Variants in CEP83 observed in about 807,000 individuals in gnomAD.
The protein encoded by CEP83 is centrosomal protein of 83 kDa.
A neutral mutation model predicts 101.9 loss-of-function variants in CEP83; 70 were observed. The observed-to-expected ratio is 0.69, with a 90% CI of 0.57 to 0.84. CEP83 has a LOEUF of 0.84. CEP83 is among the 40% of genes least tolerant of loss of function. The pLI is 0.00. For missense variants in CEP83, 715 were observed against 787.2 expected (o/e 0.91, Z 1.10); for synonymous variants, 264 against 267.9 (o/e 0.99, Z 0.14).
At chr12:94,387,946 G>A (rs1224861188) in intron 6 of CEP83, among the ~76,000 whole-genome samples, 2 of 152,094 alleles carry the variant, frequency 1.3e-5, no homozygotes, top group Non-Finnish European at 2.9e-5. Context: ...ATGCTAGCAA[G>A]GCTGCAGAAA....
chr12:94,451,682 T>A (rs2067264562), intron 1 of CEP83, among the ~76,000 whole-genome samples: 1 of 152,140 alleles, frequency 6.6e-6, no homozygotes, highest in Non-Finnish European at 1.5e-5. Flanking sequence ...GAAACTGGAA[T>A]CATCATACAT....
chr12:94,416,573 C>A (rs540577033), intron 2 of CEP83, among the ~76,000 whole-genome samples: 27 of 148,058 alleles, frequency 1.8e-4, no homozygotes, highest in Admixed American at 3.3e-4. Flanking sequence ...CACACACACA[C>A]AAAAAAAAAA....
At chr12:94,429,695 C>T (rs2065474008) in intron 2 of CEP83, among the ~76,000 whole-genome samples, 1 of 152,066 alleles carries the variant, frequency 6.6e-6, no homozygotes, top group Admixed American at 6.5e-5. Context: ...CCACAGCTGC[C>T]ATCACTGTGC....
At chr12:94,441,998 A>G (rs751578907) in intron 1 of CEP83, among the ~76,000 whole-genome samples, 21 of 152,202 alleles carry the variant, frequency 1.4e-4, no homozygotes, top group Non-Finnish European at 7.3e-5. Flanking sequence ...CCCAGAGGAA[A>G]AGAAGTCATT....
intron 6 of CEP83, among the ~76,000 whole-genome samples, chr12:94,383,453 A>C (rs574981850): frequency 1.3e-5 from 2 of 152,206 alleles, no homozygotes; most frequent in South Asian, 4.1e-4. Flanking sequence ...TTCAGTAGAA[A>C]CCATATGTCA....
the CEP83 span, among the ~76,000 whole-genome samples, chr12:94,295,732 T>A: frequency 1.3e-5 from 2 of 151,762 alleles, no homozygotes; most frequent in Non-Finnish European, 2.9e-5. Context: ...TGGCACACAG[T>A]GGGTCACTAT....
the CEP83 span, among the ~76,000 whole-genome samples, chr12:94,291,181 G>A: frequency 6.6e-6 from 1 of 152,200 alleles, no homozygotes; most frequent in Non-Finnish European, 1.5e-5. Context: ...TATATACAGA[G>A]GCCTGCCTTT....
intron 2 of CEP83, among the ~76,000 whole-genome samples, chr12:94,423,581 T>C (rs1403131620): frequency 1.3e-5 from 2 of 152,028 alleles, no homozygotes; most frequent in Non-Finnish European, 2.9e-5. Context: ...CATAGAGATT[T>C]CTTTTTCCAG....
intron 11 of CEP83, among the ~76,000 whole-genome samples, chr12:94,339,809 A>G (rs2059603703): frequency 6.6e-6 from 1 of 152,254 alleles, no homozygotes; most frequent in African/African-American, 2.4e-5. Context: ...TCCTGAAAGA[A>G]TATAAGAACC....
rs186859895 is a variant in CEP83, at chr12:94,394,444, C to T, written c.549+6406G>A. Among the ~76,000 whole-genome samples the T allele has an allele frequency of 2.0e-3, 302 of 152,258 alleles. 2 individuals are homozygous for T. Among genetic ancestry groups the T allele is most frequent in the Non-Finnish European group, 1.8e-3 (121 of 68,006 alleles). ...CATATGTAGAAAGCTGAAACTGGAT[C>T]CCTTCCTTACACCTTGTAAAAAAAT... On this transcript the variant is annotated intron_variant, in intron 6 of 16. Coordinates refer to ENST00000397809, the MANE Select transcript of CEP83 (RefSeq NM_016122.3).
chr12:94,277,172 A>G, the CEP83 span: 1 of 152,252 alleles, frequency 6.6e-6, no homozygotes, highest in Admixed American at 6.5e-5. Flanking sequence ...CCCCTTTCTC[A>G]TGATGGCGCC....
At chr12:94,297,558 G>A in the CEP83 span, 2 of 641,566 alleles carry the variant, frequency 3.1e-6, no homozygotes, top group East Asian at 2.7e-5. Context: ...AGTTTAAATT[G>A]TAAACACTTC....
chr12:94,359,942 T>C (rs1427519899), intron 11 of CEP83, among the ~76,000 whole-genome samples: 3 of 152,102 alleles, frequency 2.0e-5, no homozygotes, highest in Non-Finnish European at 4.4e-5. Context: ...ATGATCAAGT[T>C]AGATTTATCA....
intron 14 of CEP83, among the ~76,000 whole-genome samples, chr12:94,330,109 AAC>A (rs1243508927): frequency 6.6e-6 from 1 of 152,190 alleles, no homozygotes; most frequent in African/African-American, 2.4e-5. Flanking sequence ...TCCAAATATA[AAC>A]AGTTAACCTT....
intron 7 of CEP83, 27 bp downstream of exon 7, chr12:94,378,764 T>G (rs1024491851): frequency 6.2e-7 from 1 of 1,609,404 alleles, no homozygotes; most frequent in East Asian, 2.2e-5. Flanking sequence ...TATGCCATAC[T>G]CTACTGGGAA....
downstream of CEP83, chr12:94,305,177 A>G (rs1369703598): frequency 6.3e-7 from 1 of 1,584,878 alleles, no homozygotes; most frequent in Non-Finnish European, 8.6e-7. Flanking sequence ...CTAATTGTCA[A>G]CAGATTCTAA....
chr12:94,454,589 C>A (rs1452251666), intron 1 of CEP83, among the ~76,000 whole-genome samples: 2 of 152,204 alleles, frequency 1.3e-5, no homozygotes, highest in African/African-American at 4.8e-5. Flanking sequence ...AAGAGCTAGG[C>A]ACCTGAGCCA....
chr12:94,346,386 C>T (rs555498527), intron 11 of CEP83, among the ~76,000 whole-genome samples: 56 of 150,132 alleles, frequency 3.7e-4, no homozygotes, highest in African/African-American at 1.3e-3. Flanking sequence ...TATTTGTATC[C>T]GCAGTGAGCT....
intron 6 of CEP83, among the ~76,000 whole-genome samples, chr12:94,399,778 A>G (rs1340091339): frequency 6.6e-6 from 1 of 152,220 alleles, no homozygotes; most frequent in Admixed American, 6.5e-5. Flanking sequence ...TGACTATTGT[A>G]ATAGAAGTGA....
Sources: allele counts gnomAD v4.1 joint callset (sites outside exome capture counted in the v4.1 genomes callset), GRCh38; gene constraint gnomAD v4.1.1; transcripts MANE v1.5; gene names NCBI Gene and HGNC (gene_info 2026-07-23, HGNC 2026-07-21).